The following ETV6 variants were observed in gnomAD, a reference collection of about 807,000 sequenced individuals.
ETV6 encodes ETS variant transcription factor 6, also known as transcription factor ETV6.
In ETV6, 16 loss-of-function variants were observed where a neutral mutation model predicts 51.1. That is an observed-to-expected ratio of 0.31 (90% CI 0.21 to 0.48). The LOEUF (loss-of-function observed/expected upper bound fraction) is 0.48, where lower values mean the gene tolerates loss of function less well. Ranked by LOEUF, ETV6 falls within the 20% of genes least tolerant of loss-of-function variation. The probability of loss-of-function intolerance (pLI) is 0.99; values close to 1 mark genes in which losing one functional copy is unlikely to be tolerated. For synonymous variants in ETV6, 240 were observed against 224.1 expected (o/e 1.07, Z -0.64); for missense variants, 458 against 594.8 (o/e 0.77, Z 2.39).
chr12:11,742,086 A>G (rs571736291), intron 1 of ETV6, among the ~76,000 whole-genome samples: 1 of 152,366 alleles, frequency 6.6e-6, no homozygotes, highest in South Asian at 2.1e-4. Flanking sequence ...AATAGTTTTA[A>G]TGAAGGCACA....
At chr12:11,870,711 A>G (rs1946869027) in intron 5 of ETV6, among the ~76,000 whole-genome samples, 1 of 152,236 alleles carries the variant, frequency 6.6e-6, no homozygotes, top group South Asian at 2.1e-4. Flanking sequence ...CCTGCTGTGT[A>G]CAAATAAATG....
chr12:11,656,369 T>C (rs746390917), intron 1 of ETV6, among the ~76,000 whole-genome samples: 3 of 152,154 alleles, frequency 2.0e-5, no homozygotes, highest in Non-Finnish European at 2.9e-5. Flanking sequence ...ATTAGGAAAC[T>C]TGAAGTGACG....
In ETV6 at chr12:11,860,799, T is replaced by C. The variant is rs144694006; in HGVS notation, c.463+7238T>C. ...GTAGTGGTAAGTCTATTCACAATGT[T>C]GTGCAGTTGGTTTTTCCTTCCACTT... On this transcript the variant is annotated intron_variant, in intron 4 of 7. Coordinates refer to ENST00000396373, the MANE Select transcript of ETV6 (RefSeq NM_001987.5). Among the ~76,000 whole-genome samples the C allele has an allele frequency of 1.8e-3, 277 of 152,340 alleles. 1 individual carries two copies. Among genetic ancestry groups the C allele is most frequent in the African/African-American group, 6.5e-3 (269 of 41,584 alleles).
Position 11,873,525 on chromosome 12 carries a change from G to C in ETV6, c.1009+3556G>C, listed in dbSNP as rs1387796704. On this transcript the variant is annotated intron_variant, in intron 5 of 7. Transcript: ENST00000396373. The stretch of plus-strand genomic sequence containing the variant: ...CTTAGTTCCTTAAAGCTTTTCAAAT[G>C]AGCACAGCACAAAAAGAAATGAAGG... Among the ~76,000 whole-genome samples, 2 of 115,860 alleles carry C rather than the reference G, an allele frequency of 1.7e-5. 1 individual carries two copies. Among genetic ancestry groups the C allele is most frequent in the Admixed American group, 1.9e-4 (2 of 10,460 alleles). 76.0% of individuals were successfully genotyped at this position (115,860 alleles called of 152,430 possible). A position where few individuals can be genotyped will look rare whatever the true frequency, so the allele number is the denominator to read the frequency against.
intron 1 of ETV6, among the ~76,000 whole-genome samples, chr12:11,692,802 A>G (rs992198369): frequency 1.3e-5 from 2 of 152,180 alleles, no homozygotes; most frequent in Non-Finnish European, 2.9e-5. Context: ...CTGTAATCGC[A>G]GCACTGGGAG....
At chr12:11,855,733 G>A (rs758009302) in intron 4 of ETV6, among the ~76,000 whole-genome samples, 3 of 152,080 alleles carry the variant, frequency 2.0e-5, no homozygotes, top group Admixed American at 6.6e-5. Flanking sequence ...ACAGCATTTC[G>A]TGCACGCTCC....
At chr12:11,689,553 C>A (rs1002425687) in intron 1 of ETV6, among the ~76,000 whole-genome samples, 1 of 152,112 alleles carries the variant, frequency 6.6e-6, no homozygotes, top group Non-Finnish European at 1.5e-5. Context: ...GGCTAACAGG[C>A]AAGCTTCCGT....
At chr12:11,776,620 C>A (rs1945329953) in intron 2 of ETV6, among the ~76,000 whole-genome samples, 1 of 152,156 alleles carries the variant, frequency 6.6e-6, no homozygotes, top group African/African-American at 2.4e-5. Context: ...TCTGACACAC[C>A]TGGTCACTCC....
chr12:11,654,729 A>G (rs896633216), intron 1 of ETV6, among the ~76,000 whole-genome samples: 1 of 152,152 alleles, frequency 6.6e-6, no homozygotes, highest in African/African-American at 2.4e-5. Context: ...GTATATATAT[A>G]TATTTTTTAC....
chr12:11,850,468 T>C (rs956196100), intron 3 of ETV6, among the ~76,000 whole-genome samples: 1 of 102,614 alleles, frequency 9.7e-6, no homozygotes, highest in African/African-American at 3.8e-5. Flanking sequence ...CTATTCTCCA[T>C]GTGAGACCTC....
intron 1 of ETV6, among the ~76,000 whole-genome samples, chr12:11,712,772 A>T (rs972054540): frequency 6.6e-6 from 1 of 152,162 alleles, no homozygotes; most frequent in Non-Finnish European, 1.5e-5. Flanking sequence ...TCTAAACGGT[A>T]TCTTCACGGT....
At chr12:11,687,422 T>C (rs1864655389) in intron 1 of ETV6, among the ~76,000 whole-genome samples, 3 of 151,918 alleles carry the variant, frequency 2.0e-5, no homozygotes, top group East Asian at 3.9e-4. Context: ...ATTCAGATGA[T>C]CCACCCGCGT....
At chr12:11,751,411 A>AG (rs1866024622) in intron 1 of ETV6, 1 of 518,676 alleles carries the variant, frequency 1.9e-6, no homozygotes, top group African/African-American at 1.9e-5. Flanking sequence ...TGTGTGTTCC[A>AG]TTTTACATTG....
chr12:11,752,164 C>G (rs1388319017), intron 1 of ETV6, among the ~76,000 whole-genome samples: 1 of 152,150 alleles, frequency 6.6e-6, no homozygotes, highest in African/African-American at 2.4e-5. Context: ...TTTGTCCCTC[C>G]TTTTTACTTG....
chr12:11,854,639 C>A (rs944893949), intron 4 of ETV6, among the ~76,000 whole-genome samples: 1 of 152,178 alleles, frequency 6.6e-6, no homozygotes, highest in South Asian at 2.1e-4. Flanking sequence ...TCACAATGAT[C>A]AGCATTTTGT....
At chr12:11,674,773 G>C (rs1024588581) in intron 1 of ETV6, among the ~76,000 whole-genome samples, 2 of 151,894 alleles carry the variant, frequency 1.3e-5, no homozygotes, top group Non-Finnish European at 2.9e-5. Context: ...GATGATGTGA[G>C]AAGGGGCAGG....
chr12:11,710,789 G>C (rs891365527), intron 1 of ETV6, among the ~76,000 whole-genome samples: 1 of 152,192 alleles, frequency 6.6e-6, no homozygotes, highest in Non-Finnish European at 1.5e-5. Context: ...GAAGCCTTCT[G>C]GTGGCCACAG....
intron 1 of ETV6, among the ~76,000 whole-genome samples, chr12:11,659,667 G>A (rs888082715): frequency 2.6e-5 from 4 of 152,066 alleles, no homozygotes; most frequent in African/African-American, 2.4e-5. Context: ...AGCATTTCCT[G>A]GAAAAAATGA....
Position 11,839,704 on chromosome 12 carries a change from A to G in ETV6, c.328+400A>G, listed in dbSNP as rs114222916. Among the ~76,000 whole-genome samples, 792 of 152,194 alleles carry G rather than the reference A, an allele frequency of 5.2e-3. 11 individuals are homozygous for G. Among genetic ancestry groups the G allele is most frequent in the African/African-American group, 0.018 (744 of 41,512 alleles). ...AGACCAGCCTGGGCAATGTGGCAAA[A>G]CCTCAACTCTACAGAAATTTTAAAA... is the stretch of plus-strand genomic sequence containing the variant. On this transcript the variant is annotated intron_variant, in intron 3 of 7. Coordinates refer to ENST00000396373, the MANE Select transcript of ETV6 (RefSeq NM_001987.5).
Sources: gnomAD v4.1 joint callset for allele counts (sites outside exome capture counted in the v4.1 genomes callset) on GRCh38, gnomAD v4.1.1 for gene constraint, MANE v1.5 for transcripts, NCBI Gene and HGNC (gene_info 2026-07-23, HGNC 2026-07-21) for gene names.